CDYL: variants seen among roughly 807,000 people sequenced by gnomAD.
The protein encoded by CDYL is chromodomain Y like, also known as chromodomain Y-like protein.
Under a neutral mutation model 47.3 loss-of-function variants are expected in CDYL, and 8 were observed. That is an observed-to-expected ratio of 0.17 (90% CI 0.10 to 0.31). CDYL has a LOEUF of 0.31. Ranked by LOEUF, CDYL falls within the 10% of genes least tolerant of loss-of-function variation. The pLI is 1.00. For missense variants in CDYL, 471 were observed against 701.4 expected (o/e 0.67, Z 3.71); for synonymous variants, 266 against 265.0 (o/e 1.00, Z -0.04).
chr6:4,746,147 C>T (rs190334158), intron 3 of CDYL, among the ~76,000 whole-genome samples: 7 of 152,010 alleles, frequency 4.6e-5, no homozygotes, highest in African/African-American at 9.6e-5. Context: ...AGGTGGATCG[C>T]GAGGTCAGGA....
intron 3 of CDYL, among the ~76,000 whole-genome samples, chr6:4,766,364 C>A (rs1333493638): frequency 6.6e-6 from 1 of 151,990 alleles, no homozygotes; most frequent in East Asian, 1.9e-4. Flanking sequence ...CATGTGCCAC[C>A]ATGCCTGGCT....
chr6:4,887,715 CT>C (rs1400552175), intron 1 of CDYL, among the ~76,000 whole-genome samples: 1 of 152,108 alleles, frequency 6.6e-6, no homozygotes, highest in Non-Finnish European at 1.5e-5. Flanking sequence ...CTAGCTAGAA[CT>C]CCAATACAAT....
intron 1 of CDYL, among the ~76,000 whole-genome samples, chr6:4,825,950 G>T (rs1759971483): frequency 6.6e-6 from 1 of 152,200 alleles, no homozygotes. Context: ...CCACCAGCGG[G>T]TGGAAGTGAT....
chr6:4,823,542 A>G (rs1393854965), intron 1 of CDYL, among the ~76,000 whole-genome samples: 2 of 152,204 alleles, frequency 1.3e-5, no homozygotes, highest in African/African-American at 4.8e-5. Flanking sequence ...GTTAATCACA[A>G]TGTTGTATTT....
At chr6:4,722,889 T>A (rs991994618) in intron 2 of CDYL, among the ~76,000 whole-genome samples, 1 of 151,920 alleles carries the variant, frequency 6.6e-6, no homozygotes, top group Non-Finnish European at 1.5e-5. Context: ...AAAAATAAAA[T>A]AAAGCCCACA....
intron 2 of CDYL, chr6:4,718,446 T>G (rs538176924): frequency 6.6e-6 from 1 of 152,206 alleles, no homozygotes; most frequent in African/African-American, 2.4e-5. Flanking sequence ...CCCAGCTGAT[T>G]TTTGTATTAT....
intron 1 of CDYL, among the ~76,000 whole-genome samples, chr6:4,785,356 A>G (rs569990472): frequency 6.6e-5 from 10 of 152,188 alleles, no homozygotes; most frequent in African/African-American, 2.4e-4. Flanking sequence ...ATATCTAGAG[A>G]ATGTCTTTTA....
chr6:4,954,344 A>G lies in CDYL; in HGVS notation c.*288A>G. 4.5e-6 allele frequency: 1 copy of G among 223,258 alleles called. No homozygotes were observed. 13.8% of individuals were successfully genotyped at this position (223,258 alleles called of 1,614,324 possible). A position where few individuals can be genotyped will look rare whatever the true frequency, so the allele number is the denominator to read the frequency against. ...GCACTAGACTGCTCTTAGAAGCTCT[A>G]ATTTTTGTTTTCTTTGGCTAGTACT... On this transcript the variant is annotated 3_prime_UTR_variant, in exon 7 of 7. Transcript: ENST00000397588.
rs531617627 is a variant in CDYL at position 4,799,988 on chromosome 6, A to G, written c.24+23181A>G. Reference sequence around the variant, plus strand: ...TACTTTGTTTTACATTAATGTATCCATTCTAGCTTTGGTATATCTTTTTCC... The same window carrying G: ...TACTTTGTTTTACATTAATGTATCCGTTCTAGCTTTGGTATATCTTTTTCC... On this transcript the variant is annotated intron_variant, in intron 1 of 6. Transcript: ENST00000397588. Among the ~76,000 whole-genome samples, 178 of 152,182 alleles carry G rather than the reference A, an allele frequency of 1.2e-3. 8 individuals are homozygous for G. In the South Asian group the frequency reaches 0.036, roughly 31 times the overall value.
At chr6:4,827,844 G>T (rs559636340) in intron 1 of CDYL, among the ~76,000 whole-genome samples, 1 of 151,940 alleles carries the variant, frequency 6.6e-6, no homozygotes, top group South Asian at 2.1e-4. Flanking sequence ...AAGTAGAGAC[G>T]GGGTTTCACC....
intron 1 of CDYL, among the ~76,000 whole-genome samples, chr6:4,810,084 C>T (rs1200043896): frequency 6.6e-6 from 1 of 152,018 alleles, no homozygotes; most frequent in Non-Finnish European, 1.5e-5. Flanking sequence ...GACATACTTT[C>T]TCCCCGTTGG....
At chr6:4,721,134 G>A (rs1347213331) in intron 2 of CDYL, among the ~76,000 whole-genome samples, 1 of 152,064 alleles carries the variant, frequency 6.6e-6, no homozygotes, top group East Asian at 1.9e-4. Context: ...TATTTCTCAG[G>A]ATAACCATAT....
rs559003678 is a variant in CDYL at position 4,880,032 on chromosome 6, A to G, written c.25-11681A>G. Among the ~76,000 whole-genome samples the G allele has an allele frequency of 3.9e-5, 6 of 152,248 alleles. No homozygotes were observed. In the South Asian group the frequency reaches 8.3e-4, roughly 21 times the overall value. ...TACAGCTGTTACACTTGATGCATCT[A>G]CATTGACACGTCATCACCCCAAGTC... is the stretch of plus-strand genomic sequence containing the variant. On this transcript the variant is annotated intron_variant, in intron 1 of 6. Coordinates refer to ENST00000397588, the MANE Select transcript of CDYL (RefSeq NM_004824.4).
chr6:4,899,172 T>C (rs1756934544), intron 2 of CDYL, among the ~76,000 whole-genome samples: 1 of 152,220 alleles, frequency 6.6e-6, no homozygotes, highest in Non-Finnish European at 1.5e-5. Context: ...AATCATCCCC[T>C]GTTGTATGTA....
intron 1 of CDYL, among the ~76,000 whole-genome samples, chr6:4,887,336 ATG>A (rs1294599136): frequency 2.0e-5 from 3 of 152,184 alleles, no homozygotes; most frequent in Non-Finnish European, 4.4e-5. Flanking sequence ...TGAACATGGA[ATG>A]TCTTTCCATT....
chr6:4,895,750 G>A (rs546857816), intron 2 of CDYL, among the ~76,000 whole-genome samples: 133 of 152,092 alleles, frequency 8.7e-4, no homozygotes, highest in African/African-American at 3.0e-3. Flanking sequence ...TCCACATTGC[G>A]CTTTCACCAC....
At chr6:4,808,899 G>A (rs1258077667) in intron 1 of CDYL, among the ~76,000 whole-genome samples, 1 of 151,534 alleles carries the variant, frequency 6.6e-6, no homozygotes, top group Non-Finnish European at 1.5e-5. Flanking sequence ...CCATTTTTTT[G>A]TTCCCCATAC....
chr6:4,832,948 C>T (rs1760190294), intron 1 of CDYL, among the ~76,000 whole-genome samples: 1 of 151,760 alleles, frequency 6.6e-6, no homozygotes, highest in South Asian at 2.1e-4. Context: ...TTTATTGCGT[C>T]TATTTGATTC....
At chr6:4,789,654 T>C (rs573585582) in intron 1 of CDYL, among the ~76,000 whole-genome samples, 16 of 152,336 alleles carry the variant, frequency 1.1e-4, no homozygotes, top group Admixed American at 5.2e-4. Flanking sequence ...AAAATTGTTG[T>C]AGAATCAGTT....
Sources: allele counts gnomAD v4.1 joint callset (sites outside exome capture counted in the v4.1 genomes callset), GRCh38; gene constraint gnomAD v4.1.1; transcripts MANE v1.5; gene names NCBI Gene and HGNC (gene_info 2026-07-23, HGNC 2026-07-21).